OLFM3: variants seen among roughly 807,000 people sequenced by gnomAD.
The protein encoded by OLFM3 is noelin-3.
Under a neutral mutation model 48.6 loss-of-function variants are expected in OLFM3, and 20 were observed. That is an observed-to-expected ratio of 0.41 (90% CI 0.29 to 0.60). The LOEUF is 0.60. OLFM3 is among the 20% of genes least tolerant of loss of function. OLFM3 has a pLI of 0.28. For missense variants in OLFM3, 437 were observed against 544.3 expected (o/e 0.80, Z 1.96); for synonymous variants, 222 against 198.1 (o/e 1.12, Z -1.01).
intron 1 of OLFM3, among the ~76,000 whole-genome samples, chr1:101,923,475 T>C (rs570376492): frequency 2.6e-5 from 4 of 152,204 alleles, no homozygotes; most frequent in African/African-American, 9.6e-5. Flanking sequence ...AAAATAGGGA[T>C]GTCTCAAGTT....
At chr1:101,890,411 A>G (rs1481628281) in intron 1 of OLFM3, among the ~76,000 whole-genome samples, 2 of 151,838 alleles carry the variant, frequency 1.3e-5, no homozygotes, top group Non-Finnish European at 2.9e-5. Context: ...GAAGAAAACT[A>G]TTGTGAGGAA....
chr1:101,826,626 G>T (rs1274753726), intron 3 of OLFM3, among the ~76,000 whole-genome samples: 1 of 152,164 alleles, frequency 6.6e-6, no homozygotes, highest in Non-Finnish European at 1.5e-5. Context: ...CTTTGAATTT[G>T]TTCACATGTA....
chr1:101,968,720 C>T (rs958679663), intron 1 of OLFM3, among the ~76,000 whole-genome samples: 14 of 152,156 alleles, frequency 9.2e-5, no homozygotes, highest in Admixed American at 3.3e-4. Flanking sequence ...GTCCCTGTCT[C>T]TCAATGACTT....
intron 3 of OLFM3, 89 bp downstream of exon 3, chr1:101,830,583 G>A (rs1250822904): frequency 1.5e-6 from 2 of 1,371,010 alleles, no homozygotes; most frequent in Non-Finnish European, 2.1e-6. Flanking sequence ...ATGGGCCAAT[G>A]CACATTCATT....
In OLFM3 at chr1:101,825,234, C is replaced by G. The variant is rs1654806836; in HGVS notation, c.384G>C (p.Glu128Asp). 2.5e-6 allele frequency: 4 copies of G among 1,613,610 alleles called. No homozygotes were observed. The highest frequency in any genetic ancestry group is 1.3e-5 in the African/African-American group (1 of 75,046). Residue 128 changes from glutamate (E) to aspartate (D), a missense_variant, in exon 4 of 6, where the codon GAG (glutamate) becomes GAC (aspartate). Transcript: ENST00000370103. ...TCAAAGGCAGGAGCTCGTCCATTTTCTCTTTCAACTCCTGTGAAAAGCAGC... is the reference window on the plus strand; with the variant it reads ...TCAAAGGCAGGAGCTCGTCCATTTTGTCTTTCAACTCCTGTGAAAAGCAGC... ...LMTKHFQELK[E>D]KMDELLPLIP...
intron 1 of OLFM3, among the ~76,000 whole-genome samples, chr1:101,928,323 T>G (rs935808472): frequency 3.9e-5 from 6 of 152,152 alleles, no homozygotes; most frequent in African/African-American, 1.4e-4. Context: ...TTCATTATGT[T>G]TGCTAGAATG....
chr1:101,824,360 G>A (rs1355895531), intron 4 of OLFM3, among the ~76,000 whole-genome samples: 1 of 152,024 alleles, frequency 6.6e-6, no homozygotes, highest in Non-Finnish European at 1.5e-5. Context: ...ATTAGCTCAT[G>A]GATATCACGA....
At chr1:101,806,333 G>A (rs1175466851) in intron 4 of OLFM3, 151 bp from the exon 5 acceptor site, 4 of 615,790 alleles carry the variant, frequency 6.5e-6, no homozygotes, top group Non-Finnish European at 1.1e-5. Flanking sequence ...TTCACAATGG[G>A]TGCTGGGCCT....
intron 2 of OLFM3, among the ~76,000 whole-genome samples, chr1:101,831,642 C>A (rs944220625): frequency 3.3e-5 from 5 of 152,000 alleles, no homozygotes; most frequent in African/African-American, 1.2e-4. Context: ...ATGAATGACC[C>A]GTTATAAAGA....
chr1:101,889,330 G>T (rs1570601490), intron 1 of OLFM3, among the ~76,000 whole-genome samples: 1 of 152,102 alleles, frequency 6.6e-6, no homozygotes, highest in Non-Finnish European at 1.5e-5. Context: ...CCATAAAAAA[G>T]GATGAGTTCA....
intron 2 of OLFM3, among the ~76,000 whole-genome samples, chr1:101,836,604 T>A (rs1332256943): frequency 6.6e-6 from 1 of 152,028 alleles, no homozygotes; most frequent in East Asian, 1.9e-4. Flanking sequence ...CTTTTTTTTT[T>A]TCCTTAATGA....
At chr1:101,922,481 C>G (rs1302383662) in intron 1 of OLFM3, among the ~76,000 whole-genome samples, 1 of 152,116 alleles carries the variant, frequency 6.6e-6, no homozygotes, top group Admixed American at 6.6e-5. Flanking sequence ...TAGCATCTCC[C>G]TGATTCTAGC....
chr1:101,838,341 G>T (rs1486836257), intron 1 of OLFM3, among the ~76,000 whole-genome samples: 1 of 151,634 alleles, frequency 6.6e-6, no homozygotes, highest in African/African-American at 2.4e-5. Context: ...TAACAGGCAT[G>T]AACCACTGCA....
At chr1:101,839,065 A>T (rs913406871) in intron 1 of OLFM3, among the ~76,000 whole-genome samples, 1 of 152,216 alleles carries the variant, frequency 6.6e-6, no homozygotes, top group Non-Finnish European at 1.5e-5. Context: ...CAAGAAACTC[A>T]TGATGATACC....
In OLFM3 at chr1:101,857,945, A is replaced by G. The variant is rs1020516324; in HGVS notation, c.70-20920T>C. 3.3e-5 allele frequency among the ~76,000 whole-genome samples: 5 copies of G among 152,110 alleles called. No individual in the cohort carries two copies. In the East Asian group the frequency reaches 5.8e-4, roughly 18 times the overall value. ...CACTCATTCAACACTGTTTTAAAAC[A>G]AAACAAAACAACTTTTTTCTTATCT... is the stretch of plus-strand genomic sequence containing the variant. On this transcript the variant is annotated intron_variant, in intron 1 of 5. Transcript: ENST00000370103.
chr1:101,856,300 C>T (rs11164314), intron 1 of OLFM3, among the ~76,000 whole-genome samples: 10,232 of 151,868 alleles, frequency 0.067, 936 homozygotes, highest in East Asian at 0.33. Flanking sequence ...GAGAGGTTGA[C>T]GGAAACAGTT....
chr1:101,923,415 C>A (rs1053529354), intron 1 of OLFM3, among the ~76,000 whole-genome samples: 3 of 152,104 alleles, frequency 2.0e-5, no homozygotes, highest in Admixed American at 2.0e-4. Context: ...GCACTAAATT[C>A]TACAGGGGAA....
At position 101,990,025 on chromosome 1, in the gene OLFM3, G is replaced by A. The variant is rs149663239; in HGVS notation, c.69+6723C>T. Among the ~76,000 whole-genome samples, 94 of 152,300 alleles carry A rather than the reference G, an allele frequency of 6.2e-4. No individual in the cohort carries two copies. In the East Asian group the frequency reaches 0.017, roughly 28 times the overall value. On this transcript the variant is annotated intron_variant, in intron 1 of 5. Coordinates refer to ENST00000370103, the MANE Select transcript of OLFM3 (RefSeq NM_058170.4). ...CCATAAAAAACAGTTTTATCTGTTGGTAGATTCTTTGTTTAAATATATCTT... is the reference window on the plus strand; with the variant it reads ...CCATAAAAAACAGTTTTATCTGTTGATAGATTCTTTGTTTAAATATATCTT...
chr1:101,922,898 A>G (rs977581891), intron 1 of OLFM3, among the ~76,000 whole-genome samples: 7 of 152,198 alleles, frequency 4.6e-5, no homozygotes, highest in Non-Finnish European at 1.0e-4. Context: ...TGATGAGGGG[A>G]GTACTGTACT....
Sources: gnomAD v4.1 joint callset for allele counts (sites outside exome capture counted in the v4.1 genomes callset) on GRCh38, gnomAD v4.1.1 for gene constraint, MANE v1.5 for transcripts, NCBI Gene and HGNC (gene_info 2026-07-23, HGNC 2026-07-21) for gene names.